The following TMEM62 variants were observed in gnomAD, a reference collection of about 807,000 sequenced individuals.
TMEM62 encodes the protein transmembrane protein 62.
In TMEM62, 41 loss-of-function variants were observed where a neutral mutation model predicts 70.4. The observed-to-expected ratio is 0.58, with a 90% CI of 0.45 to 0.76. The LOEUF (loss-of-function observed/expected upper bound fraction) is 0.76, where lower values mean the gene tolerates loss of function less well. Ranked by LOEUF, TMEM62 falls within the 30% of genes least tolerant of loss-of-function variation. The pLI is 0.00. For synonymous variants in TMEM62, 268 were observed against 291.0 expected (o/e 0.92, Z 0.80); for missense variants, 688 against 788.5 (o/e 0.87, Z 1.53).
chr15:43,172,898 G>A (rs2040348090), intron 11 of TMEM62, among the ~76,000 whole-genome samples: 1 of 152,124 alleles, frequency 6.6e-6, no homozygotes, highest in Admixed American at 6.5e-5. Context: ...TTTTCAGTAA[G>A]CATCAGTCTT....
chr15:43,182,106 G>C (rs534719669), intron 13 of TMEM62, among the ~76,000 whole-genome samples: 1 of 152,194 alleles, frequency 6.6e-6, no homozygotes, highest in African/African-American at 2.4e-5. Context: ...TGATGTATTA[G>C]GTTTACATTT....
At chr15:43,165,563 C>G (rs2039301873) in intron 10 of TMEM62, among the ~76,000 whole-genome samples, 1 of 151,894 alleles carries the variant, frequency 6.6e-6, no homozygotes, top group African/African-American at 2.4e-5. Flanking sequence ...GAAACCCCAT[C>G]TCTACTAAAA....
At chr15:43,179,223 C>T (rs943418687) in intron 12 of TMEM62, among the ~76,000 whole-genome samples, 2 of 151,912 alleles carry the variant, frequency 1.3e-5, no homozygotes, top group Non-Finnish European at 2.9e-5. Context: ...CACAGCAAGA[C>T]GCCATCTAAA....
Position 43,184,189 on chromosome 15 carries a change from C to A in TMEM62, c.1606-71C>A, listed in dbSNP as rs2041669793. 10 of 1,300,614 alleles carry A rather than the reference C, an allele frequency of 7.7e-6. 1 individual carries two copies. The South Asian group carries it at 1.4e-4, about 18-fold the overall frequency. The allele number at this position is 1,300,614 out of a possible 1,614,324, so 80.6% of individuals were successfully genotyped here. On this transcript the variant is annotated intron_variant, in intron 13 of 13. Transcript: ENST00000260403. ...GATAGCAGCATAGTCTTAGGATCCA[C>A]TAATAATGCATTATTAAGACCAAAC...
chr15:43,177,516 A>G (rs1384216241), intron 11 of TMEM62, among the ~76,000 whole-genome samples: 3 of 152,124 alleles, frequency 2.0e-5, no homozygotes, highest in Non-Finnish European at 4.4e-5. Flanking sequence ...TACCCAAAAG[A>G]CTATAAATCA....
chr15:43,154,613 C>A, intron 8 of TMEM62, 59 bp from the exon 9 acceptor site: 1 of 1,488,218 alleles, frequency 6.7e-7, no homozygotes, highest in Non-Finnish European at 9.1e-7. Context: ...AGGTTATTCT[C>A]CTTTGCAAAA....
Position 43,149,103 on chromosome 15 carries a change from TC to T in TMEM62, c.820del (p.Gln274ArgfsTer32), listed in dbSNP as rs779478248. On this transcript the variant is annotated frameshift_variant, in exon 7 of 14. Transcript: ENST00000260403. LOFTEE classifies it high-confidence loss of function. The part of the protein sequence containing the change: ...GLMPVLHTRH[F>X]QGTLELEVGD... The stretch of plus-strand genomic sequence containing the variant: ...ATGCCTGTTTTGCACACTCGTCACT[TC>T]CAGGGCACTTTGGAACTTGAGGTGG... 1.9e-6 allele frequency: 3 copies of T among 1,614,124 alleles called. No individual in the cohort carries two copies. Among genetic ancestry groups the T allele is most frequent in the Non-Finnish European group, 2.5e-6 (3 of 1,180,024 alleles).
At chr15:43,162,830 A>G (rs2038912821) in intron 10 of TMEM62, among the ~76,000 whole-genome samples, 2 of 152,142 alleles carry the variant, frequency 1.3e-5, no homozygotes, top group Admixed American at 6.5e-5. Flanking sequence ...AAGTTTTTAG[A>G]TATCTCTCTA....
intron 10 of TMEM62, among the ~76,000 whole-genome samples, chr15:43,161,981 G>T (rs1209374331): frequency 6.6e-6 from 1 of 151,342 alleles, no homozygotes; most frequent in African/African-American, 2.4e-5. Flanking sequence ...ATTTTTTTTT[G>T]TATATGTATT....
chr15:43,176,062 C>A (rs1300956537), intron 11 of TMEM62, among the ~76,000 whole-genome samples: 1 of 152,252 alleles, frequency 6.6e-6, no homozygotes, highest in Non-Finnish European at 1.5e-5. Flanking sequence ...GTCCTACACC[C>A]ACGGAGTCTC....
At chr15:43,179,598 C>T (rs553713961) in intron 12 of TMEM62, among the ~76,000 whole-genome samples, 9 of 152,192 alleles carry the variant, frequency 5.9e-5, no homozygotes, top group Non-Finnish European at 1.3e-4. Context: ...CAATGCATGA[C>T]TGTACTTATA....
intron 10 of TMEM62, among the ~76,000 whole-genome samples, chr15:43,161,632 A>G (rs1006824821): frequency 1.3e-5 from 2 of 152,040 alleles, no homozygotes; most frequent in African/African-American, 2.4e-5. Context: ...GTGTGTGTGT[A>G]TATATGTATT....
intron 9 of TMEM62, 193 bp from the exon 10 acceptor site, chr15:43,160,488 C>T: frequency 2.0e-6 from 1 of 502,092 alleles, no homozygotes; most frequent in Non-Finnish European, 3.5e-6. Context: ...CTGCAGTGAG[C>T]TAGCTATGAT....
chr15:43,160,555 CAACAACAACAACAAT>C (rs961476949), intron 9 of TMEM62, 111 bp from the exon 10 acceptor site: 6 of 612,746 alleles, frequency 9.8e-6, no homozygotes, highest in African/African-American at 1.9e-5. Context: ...ACAACAACAA[CAACAACAACAACAAT>C]AACAACAACA....
chr15:43,175,900 G>A (rs1005424865), intron 11 of TMEM62, among the ~76,000 whole-genome samples: 37 of 152,224 alleles, frequency 2.4e-4, no homozygotes, highest in South Asian at 4.1e-4. Context: ...CTCGGGAAGC[G>A]CAAGGGGTCG....
Position 43,184,500 on chromosome 15 carries a change from C to G in TMEM62, c.1846C>G (p.Pro616Ala). ...GCGGACCTGGTTGACACTGCTGACA[C>G]CTGTTCTCATTCGTTATGTGTGGAC... ...PLRTWLTLLT[P>A]VLIRYVWTLN... Residue 616 changes from proline (P) to alanine (A), a missense_variant, in exon 14 of 14, where the codon CCT (proline) becomes GCT (alanine). Coordinates refer to ENST00000260403, the MANE Select transcript of TMEM62 (RefSeq NM_024956.4). 1 of 1,613,968 alleles carries G rather than the reference C, an allele frequency of 6.2e-7. No homozygotes were observed. Among genetic ancestry groups the G allele is most frequent in the East Asian group, 2.2e-5 (1 of 44,888 alleles).
In TMEM62 at chr15:43,184,446, G is replaced by T. The variant is rs376587617; in HGVS notation, c.1792G>T (p.Gly598Cys). The T allele has an allele frequency of 7.4e-6, 12 of 1,613,998 alleles. No individual in the cohort carries two copies. The African/African-American group carries it at 1.3e-4, about 18-fold the overall frequency. The change falls in exon 14 of 14, where the codon GGC becomes TGC. Residue 598 changes from glycine to cysteine, a missense_variant. Transcript: ENST00000260403. ...YSCYFLYATYGTLAFLFSPLR... is the reference protein window; with the variant it reads ...YSCYFLYATYCTLAFLFSPLR... ...CTGCTACTTTCTTTATGCAACATAC[G>T]GCACCCTAGCTTTTTTATTCTCCCC...
intron 11 of TMEM62, among the ~76,000 whole-genome samples, chr15:43,170,400 A>G (rs919430672): frequency 3.9e-5 from 6 of 152,224 alleles, no homozygotes; most frequent in Non-Finnish European, 2.9e-5. Context: ...CTTGGGAGGC[A>G]TGCCAAAGAT....
At chr15:43,168,745 C>G (rs1596324822) in intron 10 of TMEM62, among the ~76,000 whole-genome samples, 1 of 152,320 alleles carries the variant, frequency 6.6e-6, no homozygotes, top group East Asian at 1.9e-4. Context: ...CTTGTGCACT[C>G]CATTTCCACT....
Sources: allele counts gnomAD v4.1 joint callset (sites outside exome capture counted in the v4.1 genomes callset), GRCh38; gene constraint gnomAD v4.1.1; transcripts MANE v1.5; gene names NCBI Gene and HGNC (gene_info 2026-07-23, HGNC 2026-07-21).